The following VIM variants were observed in gnomAD, a reference collection of about 807,000 sequenced individuals.
VIM encodes the protein vimentin.
In VIM, 18 loss-of-function variants were observed where a neutral mutation model predicts 50.3. The observed-to-expected ratio is 0.36, with a 90% confidence interval of 0.25 to 0.53. The LOEUF (loss-of-function observed/expected upper bound fraction) is 0.53, where lower values mean the gene tolerates loss of function less well. Ranked by LOEUF, VIM falls within the 20% of genes least tolerant of loss-of-function variation. VIM has a pLI of 0.91. For synonymous variants in VIM, 245 were observed against 248.5 expected (o/e 0.99, Z 0.13); for missense variants, 551 against 614.7 (o/e 0.90, Z 1.10).
Position 17,229,340 on chromosome 10 carries a change from C to T in VIM, c.-83C>T. On this transcript the variant is annotated 5_prime_UTR_variant, in exon 2 of 10. Coordinates refer to ENST00000544301, the MANE Select transcript of VIM (RefSeq NM_003380.5). The stretch of plus-strand genomic sequence containing the variant: ...CGCAGCCGCGCTCCCACCACCCACA[C>T]CCACCGCGCCCTCGTTCGCCTCTTC... The T allele has an allele frequency of 2.0e-5, 29 of 1,425,732 alleles. 1 individual carries two copies. The South Asian group carries it at 3.5e-4, about 17-fold the overall frequency. The allele number at this position is 1,425,732 out of a possible 1,614,324, so 88.3% of individuals were successfully genotyped here.
chr10:17,231,777 T>A (rs1410439631), intron 3 of VIM, among the ~76,000 whole-genome samples: 1 of 151,578 alleles, frequency 6.6e-6, no homozygotes, highest in Non-Finnish European at 1.5e-5. Context: ...GTGCGTGTTT[T>A]TTTTTTTTTT....
chr10:17,232,254 A>T (rs1449233162), intron 3 of VIM, among the ~76,000 whole-genome samples: 1 of 152,150 alleles, frequency 6.6e-6, no homozygotes, highest in Non-Finnish European at 1.5e-5. Context: ...CTCTTCATTC[A>T]TTTTTCCACT....
chr10:17,230,583 T>C (rs1846771343), intron 2 of VIM, 67 bp from the exon 3 acceptor site: 31 of 1,567,954 alleles, frequency 2.0e-5, no homozygotes, highest in Non-Finnish European at 2.6e-5. Context: ...TACGTGGTGT[T>C]TGGGTGTGGC....
Position 17,233,593 on chromosome 10 carries a change from G to A in VIM, c.631G>A (p.Asp211Asn), listed in dbSNP as rs1455890040. 1 of 1,613,970 alleles carries A rather than the reference G, an allele frequency of 6.2e-7. No individual in the cohort carries two copies. Among genetic ancestry groups the A allele is most frequent in the Non-Finnish European group, 8.5e-7 (1 of 1,180,010 alleles). Residue 211 changes from aspartate to asparagine, a missense_variant, in exon 4 of 10, where the codon GAC becomes AAC. This residue lies in a region of VIM where 394 missense variants were observed against 437.5 expected (regional missense o/e 0.90). Coordinates refer to ENST00000544301, the MANE Select transcript of VIM (RefSeq NM_003380.5). The part of the protein sequence containing the change: ...NTLQSFRQDV[D>N]NASLARLDLE... ...TTTTCTCTGTTCAAAATAGGATGTT[G>A]ACAATGCGTCTCTGGCACGTCTTGA...
rs1200338833 is a variant in VIM at position 17,228,289 on chromosome 10, T to G, written c.-383T>G. Reference sequence around the variant, plus strand: ...TCCAAAGGCTGCAGAAGTTTCTTGCTAACAAAAAGTCCGCACATTCGAGCA... The same window carrying G: ...TCCAAAGGCTGCAGAAGTTTCTTGCGAACAAAAAGTCCGCACATTCGAGCA... On this transcript the variant is annotated 5_prime_UTR_variant, in exon 1 of 10. Coordinates refer to ENST00000544301, the MANE Select transcript of VIM (RefSeq NM_003380.5). 2 of 152,140 alleles carry G rather than the reference T, an allele frequency of 1.3e-5. No individual in the cohort carries two copies. The highest frequency in any genetic ancestry group is 1.3e-4 in the Admixed American group (2 of 15,274). 9.4% of individuals were successfully genotyped at this position (152,140 alleles called of 1,614,324 possible). A position where few individuals can be genotyped will look rare whatever the true frequency, so the allele number is the denominator to read the frequency against.
intron 7 of VIM, 54 bp downstream of exon 7, chr10:17,235,443 T>A: frequency 1.9e-6 from 3 of 1,560,892 alleles, no homozygotes; most frequent in African/African-American, 1.4e-5. Context: ...TGTTAGGCCC[T>A]GTGCCACTGG....
Position 17,235,160 on chromosome 10 carries a change from C to G in VIM, c.1009-9C>G, listed in dbSNP as rs373866799. Reference sequence around the variant, plus strand: ...AAATAACACCAGACATCTTTCTCACCCCCTGCAGAATGAGTCCCTGGAACG... The same window carrying G: ...AAATAACACCAGACATCTTTCTCACGCCCTGCAGAATGAGTCCCTGGAACG... On this transcript the variant is annotated splice_polypyrimidine_tract_variant and intron_variant, in intron 6 of 9. Coordinates refer to ENST00000544301, the MANE Select transcript of VIM (RefSeq NM_003380.5). The G allele has an allele frequency of 1.6e-5, 26 of 1,613,870 alleles. No homozygotes were observed. In the Middle Eastern group the frequency reaches 6.6e-4, roughly 41 times the overall value.
At chr10:17,233,089 A>G in intron 3 of VIM, 1 of 201,732 alleles carries the variant, frequency 5.0e-6, no homozygotes, top group Non-Finnish European at 1.0e-5. Context: ...CTGGGACTAC[A>G]GGCATGTGCC....
At chr10:17,233,549 A>G in intron 3 of VIM, 38 bp from the exon 4 acceptor site, 1 of 1,593,382 alleles carries the variant, frequency 6.3e-7, no homozygotes, top group Non-Finnish European at 8.6e-7. Context: ...ATACACTTTT[A>G]CATCCTCCAT....
At chr10:17,235,513 T>G in intron 7 of VIM, 124 bp downstream of exon 7, 3 of 1,063,182 alleles carry the variant, frequency 2.8e-6, no homozygotes, top group Non-Finnish European at 4.2e-6. Flanking sequence ...TGCTTTCCAC[T>G]TTTTGTAGAG....
rs1846838324 is a variant in VIM at position 17,233,833 on chromosome 10, A to C, written c.784A>C (p.Lys262Gln). 6.2e-7 allele frequency: 1 copy of C among 1,614,228 alleles called. No homozygotes were observed. The highest frequency in any genetic ancestry group is 8.5e-7 in the Non-Finnish European group (1 of 1,180,044). ...TGTCCAAATCGATGTGGATGTTTCC[A>C]AGCCTGACCTCACGGCTGCCCTGCG... Reference protein sequence around the residue: ...QHVQIDVDVSKPDLTAALRDV... With the variant: ...QHVQIDVDVSQPDLTAALRDV... The change falls in exon 5 of 10, where the codon AAG (lysine) becomes CAG (glutamine). Residue 262 changes from lysine (K) to glutamine (Q), a missense_variant. This residue lies in a region of VIM where 394 missense variants were observed against 437.5 expected (regional missense o/e 0.90). Coordinates refer to ENST00000544301, the MANE Select transcript of VIM (RefSeq NM_003380.5).
chr10:17,235,302 G>C lies in VIM; in HGVS notation c.1142G>C (p.Arg381Pro). Residue 381 changes from arginine to proline, a missense_variant, in exon 7 of 10, where the codon CGT becomes CCT. Physicochemically the swap from Arg to Pro is moderately radical, Grantham distance 103. This residue lies in a region of VIM where 394 missense variants were observed against 437.5 expected (regional missense o/e 0.90). Coordinates refer to ENST00000544301, the MANE Select transcript of VIM (RefSeq NM_003380.5). ...AAGGAGGAAATGGCTCGTCACCTTC[G>C]TGAATACCAAGACCTGCTCAATGTT... ...NMKEEMARHL[R>P]EYQDLLNVKM... 1.2e-6 allele frequency: 2 copies of C among 1,614,184 alleles called. No homozygotes were observed. The highest frequency in any genetic ancestry group is 1.7e-6 in the Non-Finnish European group (2 of 1,180,034).
At chr10:17,230,832 C>T in intron 3 of VIM, 122 bp downstream of exon 3, 2 of 1,094,028 alleles carry the variant, frequency 1.8e-6, no homozygotes, top group Non-Finnish European at 2.8e-6. Context: ...CGCGTAAAGC[C>T]CTCTAGTGGC....
At chr10:17,233,960 C>A in intron 5 of VIM, 29 bp downstream of exon 5, 1 of 1,593,992 alleles carries the variant, frequency 6.3e-7, no homozygotes, top group Non-Finnish European at 8.5e-7. Context: ...CGGCTTCAAC[C>A]AAAGAAAAGC....
intron 5 of VIM, 121 bp downstream of exon 5, chr10:17,234,052 C>A: frequency 7.3e-7 from 1 of 1,370,374 alleles, no homozygotes; most frequent in Non-Finnish European, 1.0e-6. Context: ...TGACTTCTTG[C>A]TCATATTGTG....
At chr10:17,231,641 G>A (rs1411524128) in intron 3 of VIM, among the ~76,000 whole-genome samples, 1 of 152,178 alleles carries the variant, frequency 6.6e-6, no homozygotes, top group Non-Finnish European at 1.5e-5. Flanking sequence ...AAAGCTACAA[G>A]CATACCTCAC....
intron 3 of VIM, among the ~76,000 whole-genome samples, chr10:17,232,752 A>C (rs1846818477): frequency 6.6e-6 from 1 of 152,226 alleles, no homozygotes; most frequent in Non-Finnish European, 1.5e-5. Flanking sequence ...CCTAAGGATA[A>C]GTTTCAAAAG....
chr10:17,229,390 C>T lies in VIM; in HGVS notation c.-33C>T, dbSNP rs931113731. On this transcript the variant is annotated 5_prime_UTR_variant, in exon 2 of 10. Coordinates refer to ENST00000544301, the MANE Select transcript of VIM (RefSeq NM_003380.5). ...CTCCGGGAGCCAGTCCGCGCCACCGCCGCCGCCCAGGCCATCGCCACCCTC... is the reference window on the plus strand; with the variant it reads ...CTCCGGGAGCCAGTCCGCGCCACCGTCGCCGCCCAGGCCATCGCCACCCTC... The T allele has an allele frequency of 1.3e-6, 2 of 1,572,614 alleles. No homozygotes were observed. The highest frequency in any genetic ancestry group is 1.1e-5 in the South Asian group (1 of 87,094).
At position 17,229,974 on chromosome 10, in the gene VIM, C is replaced by T. The variant is rs1284367198; in HGVS notation, c.552C>T (p.Arg184=). 1 of 1,611,266 alleles carries T rather than the reference C, an allele frequency of 6.2e-7. No homozygotes were observed. Among genetic ancestry groups the T allele is most frequent in the Non-Finnish European group, 8.5e-7 (1 of 1,179,306 alleles). ...ACAACCTGGCCGAGGACATCATGCG[C>T]CTCCGGGAGAAGTAAGGCTGCGCCC... is the stretch of plus-strand genomic sequence containing the variant. The part of the protein sequence containing the change: ...ERDNLAEDIM[R]LREKLQEEML... Residue 184 remains arginine, a synonymous_variant, in exon 2 of 10, where the codon CGC becomes CGT. Coordinates refer to ENST00000544301, the MANE Select transcript of VIM (RefSeq NM_003380.5).
Sources: allele counts gnomAD v4.1 joint callset (sites outside exome capture counted in the v4.1 genomes callset), GRCh38; gene constraint gnomAD v4.1.1; regional missense constraint gnomAD v4.1.1; transcripts MANE v1.5; gene names NCBI Gene and HGNC (gene_info 2026-07-23, HGNC 2026-07-21).